Variants in CACNA2D4 observed in about 807,000 individuals in gnomAD.
CACNA2D4 encodes voltage-dependent calcium channel subunit alpha-2/delta-4.
CACNA2D4 carries 157 observed loss-of-function variants against 163.8 expected under a neutral mutation model. That is an observed-to-expected ratio of 0.96 (90% CI 0.84 to 1.09). The LOEUF is 1.09. CACNA2D4 is among the 50% of genes least tolerant of loss of function. CACNA2D4 has a pLI of 0.00. For synonymous variants in CACNA2D4, 598 were observed against 586.9 expected (o/e 1.02, Z -0.27); for missense variants, 1,410 against 1,479.9 (o/e 0.95, Z 0.78).
intron 20 of CACNA2D4, among the ~76,000 whole-genome samples, chr12:1,857,691 G>A (rs1042817869): frequency 1.1e-3 from 172 of 152,248 alleles, no homozygotes; most frequent in Non-Finnish European, 9.0e-4. Flanking sequence ...GATGGGGTTG[G>A]ATGGGGCTCT....
At chr12:1,801,194 G>T in intron 30 of CACNA2D4, 76 bp from the exon 31 acceptor site, 1 of 1,231,332 alleles carries the variant, frequency 8.1e-7, no homozygotes, top group Non-Finnish European at 1.2e-6. Context: ...GGCTTTACTA[G>T]CAGAGCATCC....
At position 1,854,031 on chromosome 12, in the gene CACNA2D4, C is replaced by T. The variant is rs545820506; in HGVS notation, c.2166G>A (p.Leu722=). The T allele has an allele frequency of 4.3e-6, 7 of 1,610,568 alleles. No individual in the cohort carries two copies. Among genetic ancestry groups the T allele is most frequent in the Non-Finnish European group, 5.9e-6 (7 of 1,178,080 alleles). ...CCGCGTCAAACAGCACCTCCCGGAC[C>T]AGCTCCTCGTCACCTGGGTGCAAAA... The part of the protein sequence containing the change: ...KDPDLECDEE[L]VREVLFDAVV... Residue 722 remains leucine, a synonymous_variant, in exon 23 of 38, where the codon CTG becomes CTA. Coordinates refer to ENST00000382722, the MANE Select transcript of CACNA2D4 (RefSeq NM_172364.5).
chr12:1,834,307 G>A lies in CACNA2D4; in HGVS notation c.2551+6432C>T. The A allele has an allele frequency of 6.2e-7, 1 of 1,606,100 alleles. No homozygotes were observed. The highest frequency in any genetic ancestry group is 1.1e-5 in the South Asian group (1 of 90,004). On this transcript the variant is annotated intron_variant, in intron 26 of 37. Transcript: ENST00000382722. This position sits in a 1 kb window ranked among gnomAD's most constrained non-coding sequence, Gnocchi z 7.6. ...AGCTTGCCTGCACCCTGCCCAAGGA[G>A]CTGAGGGGGAAGGACATGCGGATGG...
chr12:1,898,448 C>G (rs1866455183), intron 6 of CACNA2D4, among the ~76,000 whole-genome samples: 1 of 151,940 alleles, frequency 6.6e-6, no homozygotes, highest in South Asian at 2.1e-4. Context: ...CAAAGATGAG[C>G]AAATGGCCAA....
At chr12:1,801,212 G>C in intron 30 of CACNA2D4, 94 bp from the exon 31 acceptor site, 1 of 1,033,316 alleles carries the variant, frequency 9.7e-7, no homozygotes, top group Non-Finnish European at 1.5e-6. Context: ...TCCGTTTACC[G>C]CAATTCCCAA....
intron 6 of CACNA2D4, among the ~76,000 whole-genome samples, chr12:1,887,301 C>T (rs551017979): frequency 1.3e-5 from 2 of 152,282 alleles, no homozygotes; most frequent in South Asian, 2.1e-4. Flanking sequence ...ACAGGTAGGA[C>T]CACATAGGTG....
intron 18 of CACNA2D4, among the ~76,000 whole-genome samples, chr12:1,861,608 A>G (rs1207046090): frequency 6.6e-6 from 1 of 151,828 alleles, no homozygotes; most frequent in Non-Finnish European, 1.5e-5. Flanking sequence ...ACACCCAGTT[A>G]ATTTTTGTAT....
intron 26 of CACNA2D4, chr12:1,835,737 T>C (rs1377875671): frequency 6.6e-6 from 1 of 152,620 alleles, no homozygotes; most frequent in Non-Finnish European, 1.5e-5. Context: ...CATGTGTGCA[T>C]GGCGGCCTCC....
intron 26 of CACNA2D4, among the ~76,000 whole-genome samples, chr12:1,839,566 T>C (rs763589915): frequency 4.6e-5 from 7 of 152,258 alleles, no homozygotes; most frequent in Non-Finnish European, 1.0e-4. Flanking sequence ...GCTGTGGGGC[T>C]TTGGGCAAGT....
At position 1,909,948 on chromosome 12, in the gene CACNA2D4, G is replaced by A. The variant is rs1439249568; in HGVS notation, c.444C>T (p.Ala148=). 5.0e-6 allele frequency: 8 copies of A among 1,613,596 alleles called. No individual in the cohort carries two copies. The highest frequency in any genetic ancestry group is 4.5e-5 in the East Asian group (2 of 44,894). ...ATTCGTGGTTCAGGTCGGCCTCCTC[G>A]GCAGCTTCCACCAGATTCTGAGGGA... ...VEAVQNLVEA[A]EEADLNHEFN... Residue 148 remains alanine, a synonymous_variant, in exon 4 of 38, where the codon GCC becomes GCT. Transcript: ENST00000382722.
chr12:1,812,566 C>T (rs528936357), intron 26 of CACNA2D4, among the ~76,000 whole-genome samples: 13 of 152,366 alleles, frequency 8.5e-5, no homozygotes, highest in South Asian at 2.1e-4. Flanking sequence ...ATCAAAACTG[C>T]GCTGGGCGCT....
intron 14 of CACNA2D4, 22 bp downstream of exon 14, chr12:1,879,782 G>A (rs1457690879): frequency 6.4e-6 from 10 of 1,569,828 alleles, no homozygotes; most frequent in South Asian, 2.3e-5. Context: ...CTGCTACAAC[G>A]TCTCCAGGAG....
intron 37 of CACNA2D4, among the ~76,000 whole-genome samples, chr12:1,794,181 G>A (rs1199350959): frequency 6.6e-6 from 1 of 152,144 alleles, no homozygotes; most frequent in Non-Finnish European, 1.5e-5. Flanking sequence ...TCGATCATTC[G>A]GAACTAAGTG....
Position 1,834,457 on chromosome 12 carries a change from T to TGAGCCG in CACNA2D4, c.2551+6276_2551+6281dup. The TGAGCCG allele has an allele frequency of 1.2e-6, 2 of 1,611,550 alleles. No homozygotes were observed. The highest frequency in any genetic ancestry group is 1.1e-5 in the South Asian group (1 of 91,066). Reference sequence around the variant, plus strand: ...AGCCTGCTAAGCCCAAGCCCGGGGCTGAGCCGGAGCCGGAGCCCAGCACAG... The same window carrying TGAGCCG: ...AGCCTGCTAAGCCCAAGCCCGGGGCTGAGCCGGAGCCGGAGCCGGAGCCCAGCACAG... On this transcript the variant is annotated intron_variant, in intron 26 of 37. Coordinates refer to ENST00000382722, the MANE Select transcript of CACNA2D4 (RefSeq NM_172364.5). The surrounding 1 kb of genome is among the most constrained non-coding windows in gnomAD (Gnocchi z 7.6).
chr12:1,905,314 C>T (rs1240433981), intron 6 of CACNA2D4, among the ~76,000 whole-genome samples: 1 of 152,066 alleles, frequency 6.6e-6, no homozygotes, highest in African/African-American at 2.4e-5. Flanking sequence ...CCAGGATGTC[C>T]ACTTTTGCCC....
At chr12:1,856,260 C>T (rs1236987481) in intron 20 of CACNA2D4, 31 bp from the exon 21 acceptor site, 2 of 1,612,656 alleles carry the variant, frequency 1.2e-6, no homozygotes, top group East Asian at 2.2e-5. Flanking sequence ...CAGGGTGATG[C>T]TCCCTCACTG....
At chr12:1,876,628 C>T (rs949811886) in intron 16 of CACNA2D4, among the ~76,000 whole-genome samples, 9 of 151,700 alleles carry the variant, frequency 5.9e-5, no homozygotes, top group East Asian at 1.9e-4. Context: ...TCACTTTTTT[C>T]GGGGAAGTGT....
At chr12:1,851,542 C>G (rs980116922) in intron 23 of CACNA2D4, among the ~76,000 whole-genome samples, 10 of 152,018 alleles carry the variant, frequency 6.6e-5, no homozygotes, top group Non-Finnish European at 1.5e-4. Flanking sequence ...TGTGGTCTGC[C>G]TGCCTTTTCT....
rs561987237 is a variant in CACNA2D4 at position 1,829,854 on chromosome 12, A to C, written c.2551+10885T>G. 1.3e-5 allele frequency among the ~76,000 whole-genome samples: 2 copies of C among 152,014 alleles called. No homozygotes were observed. Among genetic ancestry groups the C allele is most frequent in the South Asian group, 4.2e-4 (2 of 4,812 alleles). On this transcript the variant is annotated intron_variant, in intron 26 of 37. Transcript: ENST00000382722. The surrounding 1 kb of genome is among the most constrained non-coding windows in gnomAD (Gnocchi z 4.2). ...TGGGCTGACCTGGTGGGGCTGAACTATTTTGAATTCTTCCCAGTTCTCTTT... is the reference window on the plus strand; with the variant it reads ...TGGGCTGACCTGGTGGGGCTGAACTCTTTTGAATTCTTCCCAGTTCTCTTT...
Sources: allele counts gnomAD v4.1 joint callset (sites outside exome capture counted in the v4.1 genomes callset), GRCh38; gene constraint gnomAD v4.1.1; non-coding constraint Gnocchi (gnomAD v3.1); transcripts MANE v1.5; gene names NCBI Gene and HGNC (gene_info 2026-07-23, HGNC 2026-07-21).